The following TMEM117 variants were observed in gnomAD, a reference collection of about 807,000 sequenced individuals.
TMEM117 encodes the protein transmembrane protein 117.
Under a neutral mutation model 52.4 loss-of-function variants are expected in TMEM117, and 27 were observed. The ratio of observed to expected loss-of-function variants is 0.51; its 90% confidence interval spans 0.38 to 0.71. The LOEUF (loss-of-function observed/expected upper bound fraction) is 0.71, where lower values mean the gene tolerates loss of function less well. Among genes scored for constraint, TMEM117 ranks in the 30% least tolerant of loss-of-function variants. The pLI is 0.00. For synonymous variants in TMEM117, 215 were observed against 206.3 expected (o/e 1.04, Z -0.36); for missense variants, 556 against 630.5 (o/e 0.88, Z 1.26).
chr12:44,181,568 A>T (rs1183516984), intron 4 of TMEM117, among the ~76,000 whole-genome samples: 1 of 151,926 alleles, frequency 6.6e-6, no homozygotes, highest in Non-Finnish European at 1.5e-5. Context: ...AGCTTTCTAC[A>T]TATGGCTAGC....
At chr12:44,217,626 TAGGCAGGTGTCACAGG>T (rs1949735029) in intron 5 of TMEM117, among the ~76,000 whole-genome samples, 1 of 152,152 alleles carries the variant, frequency 6.6e-6, no homozygotes. Flanking sequence ...GTAGAATCTA[TAGGCAGGTGTCACAGG>T]TCAGATGAGT....
chr12:44,253,065 T>C (rs1304850000), intron 5 of TMEM117, among the ~76,000 whole-genome samples: 1 of 152,244 alleles, frequency 6.6e-6, no homozygotes, highest in Non-Finnish European at 1.5e-5. Flanking sequence ...CAAATGTCTA[T>C]AAACCAAGTG....
intron 7 of TMEM117, among the ~76,000 whole-genome samples, chr12:44,381,385 A>T (rs1952018178): frequency 6.6e-6 from 1 of 152,098 alleles, no homozygotes; most frequent in Non-Finnish European, 1.5e-5. Flanking sequence ...AATGCGATGT[A>T]CTAAATCTCT....
intron 4 of TMEM117, among the ~76,000 whole-genome samples, chr12:44,148,539 C>T (rs571131704): frequency 6.6e-6 from 1 of 152,158 alleles, no homozygotes; most frequent in African/African-American, 2.4e-5. Flanking sequence ...CAATATCTGT[C>T]TAAATATTTG....
At chr12:44,108,159 T>C (rs1228781842) in intron 3 of TMEM117, among the ~76,000 whole-genome samples, 1 of 152,168 alleles carries the variant, frequency 6.6e-6, no homozygotes, top group Non-Finnish European at 1.5e-5. Flanking sequence ...TTCATCTCTT[T>C]CTTTACCTGT....
At position 43,860,319 on chromosome 12, in the gene TMEM117, T is replaced by A. The variant is rs530260524; in HGVS notation, c.277+15391T>A. Among the ~76,000 whole-genome samples the A allele has an allele frequency of 2.3e-4, 35 of 152,324 alleles. No individual in the cohort carries two copies. In the East Asian group the frequency reaches 6.5e-3, roughly 28 times the overall value. ...ATGATATAGGACTTGATTTTGTTCA[T>A]TCAATAAACACTTAGAATTTTCTAG... On this transcript the variant is annotated intron_variant, in intron 2 of 7. Coordinates refer to ENST00000266534, the MANE Select transcript of TMEM117 (RefSeq NM_032256.3).
chr12:43,819,236 T>C, the TMEM117 span, among the ~76,000 whole-genome samples: 1 of 152,186 alleles, frequency 6.6e-6, no homozygotes, highest in African/African-American at 2.4e-5. Context: ...CTTTCTTGCT[T>C]CTTAGTTTTG....
chr12:44,115,449 A>G (rs1255296496), intron 3 of TMEM117, among the ~76,000 whole-genome samples: 3 of 152,164 alleles, frequency 2.0e-5, no homozygotes, highest in African/African-American at 7.2e-5. Flanking sequence ...CTAGAACTTA[A>G]AGTACAATTT....
intron 3 of TMEM117, among the ~76,000 whole-genome samples, chr12:43,949,808 T>C (rs1351870526): frequency 6.6e-6 from 1 of 152,180 alleles, no homozygotes; most frequent in Non-Finnish European, 1.5e-5. Context: ...AGCTTGTACT[T>C]AAACTGGGCT....
chr12:44,301,071 C>A (rs1950833449), intron 6 of TMEM117, among the ~76,000 whole-genome samples: 1 of 152,170 alleles, frequency 6.6e-6, no homozygotes, highest in African/African-American at 2.4e-5. Flanking sequence ...CCTCTCTGAA[C>A]CCATCTTAAA....
At chr12:44,360,614 A>G (rs1385233339) in intron 6 of TMEM117, among the ~76,000 whole-genome samples, 2 of 152,048 alleles carry the variant, frequency 1.3e-5, no homozygotes, top group Non-Finnish European at 2.9e-5. Context: ...TTTTAAAAAC[A>G]TTTAAAACAC....
intron 3 of TMEM117, among the ~76,000 whole-genome samples, chr12:44,065,030 CT>C (rs1947201014): frequency 2.0e-5 from 3 of 152,096 alleles, no homozygotes; most frequent in Admixed American, 2.0e-4. Flanking sequence ...TACAATAGCC[CT>C]TTTAGTTTAA....
At chr12:43,922,781 T>G (rs10785473) in intron 2 of TMEM117, among the ~76,000 whole-genome samples, 25,185 of 152,096 alleles carry the variant, frequency 0.17, 3,133 homozygotes, top group African/African-American at 0.34. Context: ...AGACTATTTG[T>G]TTCTTCTCAC....
intron 3 of TMEM117, among the ~76,000 whole-genome samples, chr12:44,051,050 T>C (rs570974202): frequency 7.9e-4 from 120 of 152,348 alleles, no homozygotes; most frequent in Admixed American, 2.4e-3. Context: ...AATAATAATC[T>C]CTTTATGTGT....
At chr12:44,282,476 T>C (rs761297081) in intron 5 of TMEM117, among the ~76,000 whole-genome samples, 6 of 152,188 alleles carry the variant, frequency 3.9e-5, no homozygotes, top group Non-Finnish European at 5.9e-5. Flanking sequence ...AGGAACTTGT[T>C]GGGAACTGGA....
At chr12:44,286,055 T>C (rs1950634051) in intron 5 of TMEM117, among the ~76,000 whole-genome samples, 1 of 152,198 alleles carries the variant, frequency 6.6e-6, no homozygotes, top group African/African-American at 2.4e-5. Flanking sequence ...CCCACTTCAC[T>C]TTAAACCTTT....
chr12:43,934,160 T>C (rs776630847), intron 2 of TMEM117, among the ~76,000 whole-genome samples: 5 of 152,134 alleles, frequency 3.3e-5, no homozygotes, highest in Non-Finnish European at 7.4e-5. Flanking sequence ...ATGCATAAAT[T>C]AAGTGTGCTG....
intron 5 of TMEM117, among the ~76,000 whole-genome samples, chr12:44,262,216 T>C (rs1950328538): frequency 6.6e-6 from 1 of 152,198 alleles, no homozygotes; most frequent in Non-Finnish European, 1.5e-5. Context: ...ATTTTTCCAT[T>C]TGTACACACA....
intron 3 of TMEM117, among the ~76,000 whole-genome samples, chr12:44,076,358 G>T (rs566712577): frequency 2.0e-5 from 3 of 152,214 alleles, no homozygotes; most frequent in Admixed American, 1.3e-4. Context: ...GGAAGAATTG[G>T]ATTTCAATGA....
Sources: allele counts gnomAD v4.1 joint callset (sites outside exome capture counted in the v4.1 genomes callset), GRCh38; gene constraint gnomAD v4.1.1; transcripts MANE v1.5; gene names NCBI Gene and HGNC (gene_info 2026-07-23, HGNC 2026-07-21).